ADCY9: variants seen among roughly 807,000 people sequenced by gnomAD.
ADCY9 encodes adenylate cyclase 9.
Under a neutral mutation model 101.5 loss-of-function variants are expected in ADCY9, and 50 were observed. The observed-to-expected ratio is 0.49, with a 90% confidence interval of 0.39 to 0.62. The LOEUF is 0.62. Among genes scored for constraint, ADCY9 ranks in the 20% least tolerant of loss-of-function variants. ADCY9 has a pLI of 0.00. For synonymous variants in ADCY9, 905 were observed against 769.3 expected, an observed-to-expected ratio of 1.18 and a Z score of -2.92; for missense variants, 1,662 against 1,800.4, an observed-to-expected ratio of 0.92 and a Z score of 1.39.
chr16:4,058,525 G>C (rs1399687176), intron 2 of ADCY9, among the ~76,000 whole-genome samples: 1 of 151,112 alleles, frequency 6.6e-6, no homozygotes, highest in African/African-American at 2.4e-5. Flanking sequence ...TGTGACACCA[G>C]AGCTCAGGCC....
At chr16:4,016,769 G>T (rs2056441244) in intron 2 of ADCY9, among the ~76,000 whole-genome samples, 1 of 152,192 alleles carries the variant, frequency 6.6e-6, no homozygotes, top group South Asian at 2.1e-4. Flanking sequence ...TGAAATGTCT[G>T]GCATAGGGAG....
intron 10 of ADCY9, among the ~76,000 whole-genome samples, chr16:3,973,225 T>A (rs1002227682): frequency 6.6e-6 from 1 of 152,190 alleles, no homozygotes; most frequent in Non-Finnish European, 1.5e-5. Context: ...ATTTTATTTT[T>A]TGAGACAGAG....
chr16:4,090,037 G>A (rs2532008), intron 2 of ADCY9, among the ~76,000 whole-genome samples: 17,588 of 152,084 alleles, frequency 0.12, 1,599 homozygotes, highest in East Asian at 0.42. Flanking sequence ...AGGCATCCCC[G>A]GCAGCCACTG....
At chr16:4,013,024 G>A (rs1682480591) in intron 2 of ADCY9, among the ~76,000 whole-genome samples, 1 of 152,090 alleles carries the variant, frequency 6.6e-6, no homozygotes, top group South Asian at 2.1e-4. Context: ...GGCCGCGGCA[G>A]GAGGATCACT....
chr16:3,980,522 G>A (rs181785856), intron 7 of ADCY9, among the ~76,000 whole-genome samples: 1 of 152,246 alleles, frequency 6.6e-6, no homozygotes, highest in East Asian at 1.9e-4. Context: ...CCGCTGTTGT[G>A]ACTGAACAGC....
chr16:4,096,070 T>C (rs2057002158), intron 2 of ADCY9, among the ~76,000 whole-genome samples: 1 of 151,898 alleles, frequency 6.6e-6, no homozygotes, highest in African/African-American at 2.4e-5. Context: ...ATGTGTAAAT[T>C]ATACTTCTAG....
intron 2 of ADCY9, among the ~76,000 whole-genome samples, chr16:4,042,522 T>C (rs1333687078): frequency 2.6e-5 from 4 of 152,222 alleles, no homozygotes; most frequent in African/African-American, 9.7e-5. Flanking sequence ...TCTAGCTAAT[T>C]CTGTTAAAAT....
chr16:4,095,548 C>T (rs1198052917), intron 2 of ADCY9, among the ~76,000 whole-genome samples: 8 of 152,312 alleles, frequency 5.3e-5, no homozygotes, highest in East Asian at 1.9e-4. Context: ...ATTCATTTTA[C>T]TGGCAACTAA....
intron 2 of ADCY9, among the ~76,000 whole-genome samples, chr16:4,035,177 G>C (rs2056581071): frequency 6.6e-6 from 1 of 152,154 alleles, no homozygotes; most frequent in African/African-American, 2.4e-5. Context: ...ATTGCTTTGG[G>C]TTGACTATTT....
At chr16:3,954,828 C>T (rs1339721441) in intron 5 of ADCY9, among the ~76,000 whole-genome samples, 1 of 152,136 alleles carries the variant, frequency 6.6e-6, no homozygotes, top group Non-Finnish European at 1.5e-5. Context: ...AGTGACAGAG[C>T]CATTGGTTGG....
intron 2 of ADCY9, among the ~76,000 whole-genome samples, chr16:4,110,114 C>T (rs2057104106): frequency 1.3e-5 from 2 of 152,196 alleles, no homozygotes; most frequent in Non-Finnish European, 2.9e-5. Context: ...GAACATACTC[C>T]ACAACATTTT....
At chr16:3,959,701 T>A (rs1211566508), downstream of ADCY9, among the ~76,000 whole-genome samples, 2 of 152,196 alleles carry the variant, frequency 1.3e-5, no homozygotes, top group Non-Finnish European at 2.9e-5. Context: ...AACTCACACA[T>A]TAAATTCTAA....
chr16:4,013,259 G>GAT (rs1555509065), intron 2 of ADCY9, among the ~76,000 whole-genome samples: 1 of 149,250 alleles, frequency 6.7e-6, no homozygotes, highest in Non-Finnish European at 1.5e-5. Flanking sequence ...AAAAAAAAAA[G>GAT]AAAAAGAAAA....
intron 2 of ADCY9, among the ~76,000 whole-genome samples, chr16:4,078,548 C>T (rs1193359835): frequency 2.1e-5 from 3 of 143,180 alleles, no homozygotes; most frequent in Admixed American, 7.2e-5. Flanking sequence ...GAGTGAGACC[C>T]TGTCTCAAAA....
Position 3,965,023 on chromosome 16 carries a change from G to A in ADCY9, c.*752C>T, listed in dbSNP as rs1204558233. ...GGTCGGGGGTGAGAGGCGGCTCTGA[G>A]ACCCCCGAGGCCTGGGCACACGGGC... On this transcript the variant is annotated 3_prime_UTR_variant, in exon 11 of 11. Transcript: ENST00000294016. 1 of 152,270 alleles carries A rather than the reference G, an allele frequency of 6.6e-6. No individual in the cohort carries two copies. The highest frequency in any genetic ancestry group is 1.5e-5 in the Non-Finnish European group (1 of 68,066). The allele number at this position is 152,270 out of a possible 1,614,324, so 9.4% of individuals were successfully genotyped here. A position where few individuals can be genotyped will look rare whatever the true frequency, so the allele number is the denominator to read the frequency against.
At chr16:4,023,058 G>A (rs953003301) in intron 2 of ADCY9, among the ~76,000 whole-genome samples, 1 of 152,144 alleles carries the variant, frequency 6.6e-6, no homozygotes, top group Non-Finnish European at 1.5e-5. Flanking sequence ...TGCAAACAGC[G>A]TGGAGATCAA....
chr16:4,076,963 G>T (rs964218833), intron 2 of ADCY9, among the ~76,000 whole-genome samples: 15 of 151,906 alleles, frequency 9.9e-5, no homozygotes, highest in African/African-American at 3.6e-4. Flanking sequence ...TGTAATCCCA[G>T]CTACTCAGGG....
chr16:4,099,809 C>A (rs919654979), intron 2 of ADCY9, among the ~76,000 whole-genome samples: 1 of 152,202 alleles, frequency 6.6e-6, no homozygotes, highest in African/African-American at 2.4e-5. Flanking sequence ...CCCAACACTT[C>A]GGGAGGCCAA....
intron 2 of ADCY9, among the ~76,000 whole-genome samples, chr16:4,071,710 C>T (rs2141169970): frequency 6.6e-6 from 1 of 152,312 alleles, no homozygotes; most frequent in East Asian, 1.9e-4. Context: ...CAACAAGTCT[C>T]TAAAGAAGAA....
Sources: allele counts gnomAD v4.1 joint callset (sites outside exome capture counted in the v4.1 genomes callset), GRCh38; gene constraint gnomAD v4.1.1; transcripts MANE v1.5; gene names NCBI Gene and HGNC (gene_info 2026-07-23, HGNC 2026-07-21).